Variants in NAPEPLD observed in about 807,000 individuals in gnomAD.
The protein encoded by NAPEPLD is N-acyl phosphatidylethanolamine phospholipase D, also known as N-acyl-phosphatidylethanolamine-hydrolyzing phospholipase D.
NAPEPLD carries 23 observed loss-of-function variants against 38.1 expected under a neutral mutation model. The ratio of observed to expected loss-of-function variants is 0.60; its 90% CI spans 0.43 to 0.86. The LOEUF is 0.86. NAPEPLD is among the 40% of genes least tolerant of loss of function. The pLI is 0.00. For missense variants in NAPEPLD, 411 were observed against 476.8 expected (o/e 0.86, Z 1.28); for synonymous variants, 147 against 162.0 (o/e 0.91, Z 0.71).
intron 1 of NAPEPLD, among the ~76,000 whole-genome samples, chr7:103,146,281 G>A (rs1244719772): frequency 6.6e-6 from 1 of 151,620 alleles, no homozygotes; most frequent in Non-Finnish European, 1.5e-5. Context: ...CGAGGCACAG[G>A]TTGCAGTCAG....
chr7:103,133,362 G>A (rs1248848434), intron 1 of NAPEPLD, among the ~76,000 whole-genome samples: 1 of 152,226 alleles, frequency 6.6e-6, no homozygotes, highest in Non-Finnish European at 1.5e-5. Context: ...TTCACACGAT[G>A]CACTGTTGAA....
intron 1 of NAPEPLD, among the ~76,000 whole-genome samples, chr7:103,136,757 C>T (rs116657322): frequency 0.017 from 2,626 of 152,134 alleles, 82 homozygotes; most frequent in African/African-American, 0.06. Flanking sequence ...CTTAATTTCA[C>T]GTAACAAGAC....
At chr7:103,136,688 T>C (rs1171063269) in intron 1 of NAPEPLD, among the ~76,000 whole-genome samples, 7 of 152,098 alleles carry the variant, frequency 4.6e-5, no homozygotes, top group African/African-American at 1.7e-4. Flanking sequence ...GATAAAACAT[T>C]CTAGAATTTC....
chr7:103,119,554 G>A (rs188668895), intron 3 of NAPEPLD, 23 bp downstream of exon 3: 2 of 1,581,446 alleles, frequency 1.3e-6, no homozygotes, highest in Middle Eastern at 1.7e-4. Context: ...TAGCAGGAAT[G>A]TTTTCTTTGG....
chr7:103,109,542 TG>T (rs1202334775), intron 4 of NAPEPLD, among the ~76,000 whole-genome samples: 1 of 152,164 alleles, frequency 6.6e-6, no homozygotes, highest in African/African-American at 2.4e-5. Context: ...AGATGTTGTT[TG>T]AAACCAATGA....
At chr7:103,130,533 C>T (rs1317450643) in intron 1 of NAPEPLD, among the ~76,000 whole-genome samples, 2 of 152,208 alleles carry the variant, frequency 1.3e-5, no homozygotes, top group Non-Finnish European at 2.9e-5. Flanking sequence ...ATGTACTTGG[C>T]ACTCACAAAT....
intron 1 of NAPEPLD, 39 bp from the exon 2 acceptor site, chr7:103,128,831 A>T: frequency 1.3e-6 from 2 of 1,550,260 alleles, no homozygotes; most frequent in Middle Eastern, 1.8e-4. Context: ...AGTTGAACAT[A>T]AAGGCATTCA....
At chr7:103,121,633 C>G (rs1011329045) in intron 2 of NAPEPLD, among the ~76,000 whole-genome samples, 4 of 152,200 alleles carry the variant, frequency 2.6e-5, no homozygotes, top group Non-Finnish European at 5.9e-5. Flanking sequence ...CATGATGGAA[C>G]ATATTTCTAT....
chr7:103,128,734 G>A lies in NAPEPLD; in HGVS notation c.43C>T (p.Gln15Ter). 6.2e-7 allele frequency: 1 copy of A among 1,613,854 alleles called. No homozygotes were observed. The highest frequency in any genetic ancestry group is 8.5e-7 in the Non-Finnish European group (1 of 1,179,966). ...TTTCTTACTGCTTCTTTAGGATATT[G>A]GCTGCTTGTCATCAGAGACTGGTTG... ...ESNQSLMTSS[Q>*]YPKEAVRKRQ... Residue 15 changes from glutamine to a stop codon, truncating the protein, a stop_gained, in exon 2 of 5, where the codon CAA (glutamine) becomes TAA (stop). Coordinates refer to ENST00000465647, the MANE Select transcript of NAPEPLD (RefSeq NM_001122838.3). LOFTEE classifies it high-confidence loss of function.
At chr7:103,105,353 A>G (rs6976794) in intron 4 of NAPEPLD, among the ~76,000 whole-genome samples, 133,185 of 152,132 alleles carry the variant, frequency 0.88, 61,032 homozygotes, top group East Asian at 1. Flanking sequence ...GTAAATTCCT[A>G]AAGGGGTCAG....
At chr7:103,128,248 G>A (rs1020588855) in intron 2 of NAPEPLD, 24 of 476,816 alleles carry the variant, frequency 5.0e-5, no homozygotes, top group Middle Eastern at 5.4e-4. Flanking sequence ...TCAGCATCAC[G>A]TTCTTTCCTG....
intron 1 of NAPEPLD, among the ~76,000 whole-genome samples, chr7:103,137,848 A>T (rs1047285730): frequency 3.3e-5 from 5 of 151,572 alleles, no homozygotes; most frequent in African/African-American, 1.2e-4. Context: ...AAAAAGAAAA[A>T]GAAAGAAAGA....
chr7:103,123,713 G>T (rs1256007456), intron 2 of NAPEPLD, among the ~76,000 whole-genome samples: 1 of 152,162 alleles, frequency 6.6e-6, no homozygotes, highest in Non-Finnish European at 1.5e-5. Flanking sequence ...CAATGAATTA[G>T]GGAAGTTACA....
chr7:103,109,739 AAGATC>A lies in NAPEPLD; in HGVS notation c.1056+5316_1056+5320del, dbSNP rs1216021087. Among the ~76,000 whole-genome samples the A allele has an allele frequency of 2.0e-5, 3 of 152,060 alleles. No homozygotes were observed. The East Asian group carries it at 5.8e-4, about 30-fold the overall frequency. ...AGCGAGCAGAAGACAAGAAATAACT[AAGATC>A]AGAGCAGAACTGAAGGAGACAGAGA... is the stretch of plus-strand genomic sequence containing the variant. On this transcript the variant is annotated intron_variant, in intron 4 of 4. Coordinates refer to ENST00000465647, the MANE Select transcript of NAPEPLD (RefSeq NM_001122838.3).
Position 103,101,175 on chromosome 7 carries a change from C to T in NAPEPLD, c.*2254G>A, listed in dbSNP as rs545650153. ...CGCTGGCTAGTATTAGGGCAACACACCTCAAAGCTAACTCACCATAAACCT... is the reference window on the plus strand; with the variant it reads ...CGCTGGCTAGTATTAGGGCAACACATCTCAAAGCTAACTCACCATAAACCT... On this transcript the variant is annotated 3_prime_UTR_variant, in exon 5 of 5. Transcript: ENST00000465647. 2.0e-5 allele frequency: 3 copies of T among 152,254 alleles called. No individual in the cohort carries two copies. The East Asian group carries it at 5.8e-4, about 29-fold the overall frequency. 9.4% of individuals were successfully genotyped at this position (152,254 alleles called of 1,614,324 possible).
chr7:103,149,590 G>A (rs1381142807), upstream of NAPEPLD: 39 of 904,722 alleles, frequency 4.3e-5, no homozygotes, highest in East Asian at 3.5e-3. Flanking sequence ...TACCAAGATG[G>A]CCGCCCCTGT....
At chr7:103,140,864 T>C (rs1811156163) in intron 1 of NAPEPLD, among the ~76,000 whole-genome samples, 1 of 152,182 alleles carries the variant, frequency 6.6e-6, no homozygotes, top group African/African-American at 2.4e-5. Flanking sequence ...ATGATACTAA[T>C]GGTGGCCACA....
intron 1 of NAPEPLD, among the ~76,000 whole-genome samples, chr7:103,137,106 AT>A (rs1191825749): frequency 1.3e-5 from 2 of 151,972 alleles, no homozygotes; most frequent in Admixed American, 6.6e-5. Flanking sequence ...TGCCCAACTA[AT>A]TTTTGTATTT....
chr7:103,145,018 A>G (rs112178325), intron 1 of NAPEPLD, among the ~76,000 whole-genome samples: 2,367 of 152,162 alleles, frequency 0.016, 26 homozygotes, highest in Non-Finnish European at 0.023. Context: ...TCTCAAAAAA[A>G]AAAATTCCTG....
Sources: gnomAD v4.1 joint callset for allele counts (sites outside exome capture counted in the v4.1 genomes callset) on GRCh38, gnomAD v4.1.1 for gene constraint, MANE v1.5 for transcripts, NCBI Gene and HGNC (gene_info 2026-07-23, HGNC 2026-07-21) for gene names.